The following NUP155 variants were observed in gnomAD, a reference collection of about 807,000 sequenced individuals.
The protein encoded by NUP155 is nuclear pore complex protein Nup155.
In NUP155, 71 loss-of-function variants were observed where a neutral mutation model predicts 180.4. That is an observed-to-expected ratio of 0.39 (90% CI 0.33 to 0.48). NUP155 has a LOEUF of 0.48. Among genes scored for constraint, NUP155 ranks in the 20% least tolerant of loss-of-function variants. The pLI is 0.91. For synonymous variants in NUP155, 582 were observed against 559.5 expected, an observed-to-expected ratio of 1.04 and a Z score of -0.57; for missense variants, 1,553 against 1,648.9, an observed-to-expected ratio of 0.94 and a Z score of 1.01.
intron 1 of NUP155, among the ~76,000 whole-genome samples, chr5:37,368,638 G>A (rs1036013806): frequency 6.6e-6 from 1 of 151,916 alleles, no homozygotes; most frequent in African/African-American, 2.4e-5. Context: ...TGGCCAACAC[G>A]GTGAAACCCT....
rs201856913 is a variant in NUP155, at chr5:37,364,406, T to A, written c.158-22A>T. 7.8e-5 allele frequency: 125 copies of A among 1,607,164 alleles called. No individual in the cohort carries two copies. In the Admixed American group the frequency reaches 1.8e-3, roughly 23 times the overall value. ...TTATCTACAAAAAGAAAATGAAGTA[T>A]TTATAATAATGTACTGCTCATCAAC... On this transcript the variant is annotated intron_variant, in intron 1 of 34. Transcript: ENST00000231498.
intron 1 of NUP155, among the ~76,000 whole-genome samples, chr5:37,369,009 T>A (rs2111770286): frequency 6.6e-6 from 1 of 152,216 alleles, no homozygotes. Flanking sequence ...TCTCAGCACT[T>A]TGGAAGGCTG....
intron 1 of NUP155, among the ~76,000 whole-genome samples, chr5:37,367,509 C>T (rs920740044): frequency 6.6e-6 from 1 of 151,636 alleles, no homozygotes; most frequent in Non-Finnish European, 1.5e-5. Flanking sequence ...ACCACCGAGC[C>T]CAGCCAAACA....
At position 37,300,052 on chromosome 5, in the gene NUP155, T is replaced by A. The variant is rs1049338386; in HGVS notation, c.3562-484A>T. ...AAAAAAAAAAAAAAGGGTAAGGGTA[T>A]GGTAAATACATTCAAACACATTTTA... On this transcript the variant is annotated intron_variant, in intron 30 of 34. Coordinates refer to ENST00000231498, the MANE Select transcript of NUP155 (RefSeq NM_153485.3). Among the ~76,000 whole-genome samples the A allele has an allele frequency of 3.3e-5, 5 of 151,112 alleles. No individual in the cohort carries two copies. In the East Asian group the frequency reaches 9.7e-4, roughly 29 times the overall value.
rs1275198845 is a variant in NUP155, at chr5:37,354,459, T to A, written c.464-1630A>T. ...CGCACCCAGTGTCTTTATTTCTTCTTTTTTTTTTTTTTTTTTTGAGACAGG... is the reference window on the plus strand; with the variant it reads ...CGCACCCAGTGTCTTTATTTCTTCTATTTTTTTTTTTTTTTTTGAGACAGG... On this transcript the variant is annotated intron_variant, in intron 4 of 34. Transcript: ENST00000231498. 1.6e-4 allele frequency among the ~76,000 whole-genome samples: 7 copies of A among 45,074 alleles called. No individual in the cohort carries two copies. The East Asian group carries it at 4.5e-3, about 29-fold the overall frequency. The allele number at this position is 45,074 out of a possible 152,430, so 29.6% of individuals were successfully genotyped here. A position where few individuals can be genotyped will look rare whatever the true frequency, so the allele number is the denominator to read the frequency against.
intron 11 of NUP155, 31 bp downstream of exon 11, chr5:37,341,059 A>C (rs1745685215): frequency 6.7e-7 from 1 of 1,500,706 alleles, no homozygotes; most frequent in Non-Finnish European, 9.3e-7. Flanking sequence ...TAAGAATATA[A>C]TCTTAAATCT....
rs145138327 is a variant in NUP155, at chr5:37,304,077, G to A, written c.3162+662C>T. Reference sequence around the variant, plus strand: ...AGCCTGGCCAACATGGTAAAACCCCGTCTCTACTAAAAAGATATAAAAATT... The same window carrying A: ...AGCCTGGCCAACATGGTAAAACCCCATCTCTACTAAAAAGATATAAAAATT... On this transcript the variant is annotated intron_variant, in intron 27 of 34. Transcript: ENST00000231498. Among the ~76,000 whole-genome samples the A allele has an allele frequency of 6.7e-4, 102 of 151,682 alleles. No individual in the cohort carries two copies. In the East Asian group the frequency reaches 0.012, roughly 17 times the overall value.
At position 37,325,904 on chromosome 5, in the gene NUP155, A is replaced by G; in HGVS notation, c.2088T>C (p.Thr696=). Residue 696 remains threonine (T), a synonymous_variant, in exon 19 of 35, where the codon ACT becomes ACC. Transcript: ENST00000231498. ...RIFKSGNREI[T]AIESSVPCQL... ...AAATAATATTATACACACTTACTGCAGTGATCTCTCTGTTGCCACTCTTGA... is the reference window on the plus strand; with the variant it reads ...AAATAATATTATACACACTTACTGCGGTGATCTCTCTGTTGCCACTCTTGA... 1 of 1,591,864 alleles carries G rather than the reference A, an allele frequency of 6.3e-7. No individual in the cohort carries two copies. Among genetic ancestry groups the G allele is most frequent in the Non-Finnish European group, 8.6e-7 (1 of 1,160,470 alleles).
chr5:37,351,374 C>A lies in NUP155; in HGVS notation c.557-18G>T, dbSNP rs768050540. The A allele has an allele frequency of 2.5e-6, 4 of 1,583,498 alleles. No homozygotes were observed. Among genetic ancestry groups the A allele is most frequent in the Non-Finnish European group, 3.5e-6 (4 of 1,153,276 alleles). ...TCCAGAACCTATTTAAGAAAGAATA[C>A]ATAAATCAGTTTATTAGCTACTCCA... On this transcript the variant is annotated intron_variant, in intron 5 of 34. Transcript: ENST00000231498.
Position 37,364,360 on chromosome 5 carries a change from G to A in NUP155, c.182C>T (p.Ser61Leu). The change falls in exon 2 of 35, where the codon TCA becomes TTA. Residue 61 changes from serine (S) to leucine (L), a missense_variant. Ser to Leu is a moderately radical substitution (Grantham distance 145, BLOSUM62 -2). Transcript: ENST00000231498. ...TCCTTGCAAAGGATAATCCATATCT[G>A]ACATGCCAGAAACGGTGGGATTATC... ...APNNPTVSGM[S>L]DMDYPLQGPG... 1.2e-6 allele frequency: 2 copies of A among 1,611,802 alleles called. No homozygotes were observed. The highest frequency in any genetic ancestry group is 1.7e-6 in the Non-Finnish European group (2 of 1,177,926).
intron 3 of NUP155, among the ~76,000 whole-genome samples, chr5:37,359,497 A>C (rs561809530): frequency 5.0e-4 from 76 of 152,208 alleles, no homozygotes; most frequent in African/African-American, 1.6e-3. Context: ...CAGTAAACCA[A>C]CTTGCACCCT....
chr5:37,318,678 C>A (rs1014902201), intron 20 of NUP155, among the ~76,000 whole-genome samples: 3 of 151,914 alleles, frequency 2.0e-5, no homozygotes, highest in Non-Finnish European at 4.4e-5. Context: ...CCAAACAGTT[C>A]GGATAAGGGA....
In NUP155 at chr5:37,329,956, G is replaced by T. The variant is rs1303912048; in HGVS notation, c.1724+82C>A. On this transcript the variant is annotated intron_variant, in intron 15 of 34. Transcript: ENST00000231498. Reference sequence around the variant, plus strand: ...ACATAGTCACTCAACTGTTTGGCAAGGCTTTATCACATTGATAAAATCATT... The same window carrying T: ...ACATAGTCACTCAACTGTTTGGCAATGCTTTATCACATTGATAAAATCATT... 9.1e-6 allele frequency: 9 copies of T among 993,364 alleles called. No individual in the cohort carries two copies. In the Admixed American group the frequency reaches 1.0e-4, roughly 11 times the overall value. The allele number at this position is 993,364 out of a possible 1,614,324, so 61.5% of individuals were successfully genotyped here.
At chr5:37,307,059 G>A (rs1743196918) in intron 25 of NUP155, among the ~76,000 whole-genome samples, 2 of 151,650 alleles carry the variant, frequency 1.3e-5, no homozygotes, top group South Asian at 2.1e-4. Flanking sequence ...TTAGCCAGGC[G>A]TGGTGGTGTG....
At chr5:37,348,845 G>A (rs1199678852) in intron 8 of NUP155, among the ~76,000 whole-genome samples, 2 of 151,330 alleles carry the variant, frequency 1.3e-5, no homozygotes, top group Non-Finnish European at 2.9e-5. Flanking sequence ...AACCTCCGCC[G>A]CCCAGGTTCA....
chr5:37,343,521 A>T (rs375899709), intron 9 of NUP155, among the ~76,000 whole-genome samples: 1 of 152,316 alleles, frequency 6.6e-6, no homozygotes, highest in East Asian at 1.9e-4. Context: ...AGATCACAAA[A>T]AAAGACTAAA....
chr5:37,345,865 C>T (rs1746047736), intron 9 of NUP155, among the ~76,000 whole-genome samples: 2 of 145,674 alleles, frequency 1.4e-5, no homozygotes, highest in South Asian at 2.1e-4. Context: ...GACTGCAACA[C>T]TGCACTCCAG....
chr5:37,315,209 G>A (rs1480018524), intron 21 of NUP155, among the ~76,000 whole-genome samples: 1 of 152,130 alleles, frequency 6.6e-6, no homozygotes, highest in Admixed American at 6.5e-5. Context: ...TCCAGCCTCG[G>A]CGAAAAAGCG....
At chr5:37,328,337 C>T (rs1744739741) in intron 17 of NUP155, 21 bp downstream of exon 17, 2 of 1,575,900 alleles carry the variant, frequency 1.3e-6, no homozygotes, top group Non-Finnish European at 1.7e-6. Context: ...GAATCCAATC[C>T]AAAACAAAGA....
Sources: gnomAD v4.1 joint callset for allele counts (sites outside exome capture counted in the v4.1 genomes callset) on GRCh38, gnomAD v4.1.1 for gene constraint, MANE v1.5 for transcripts, NCBI Gene and HGNC (gene_info 2026-07-23, HGNC 2026-07-21) for gene names.